The following TMEM132B variants were observed in gnomAD, a reference collection of about 807,000 sequenced individuals.
The protein encoded by TMEM132B is transmembrane protein 132B.
A neutral mutation model predicts 90.8 loss-of-function variants in TMEM132B; 18 were observed. The ratio of observed to expected loss-of-function variants is 0.20; its 90% CI spans 0.14 to 0.29. The LOEUF is 0.29. Among genes scored for constraint, TMEM132B ranks in the 10% least tolerant of loss-of-function variants. The pLI is 1.00. For missense variants in TMEM132B, 1,096 were observed against 1,326.8 expected (o/e 0.83, Z 2.70); for synonymous variants, 504 against 523.3 (o/e 0.96, Z 0.50).
At chr12:125,486,284 T>G (rs1593169880) in intron 3 of TMEM132B, among the ~76,000 whole-genome samples, 1 of 152,194 alleles carries the variant, frequency 6.6e-6, no homozygotes, top group African/African-American at 2.4e-5. Flanking sequence ...ATCATATTAT[T>G]AGTGTGTTAT....
chr12:125,215,572 CG>C (rs1382070701), intron 1 of TMEM132B, among the ~76,000 whole-genome samples: 2 of 152,080 alleles, frequency 1.3e-5, no homozygotes, highest in Admixed American at 6.5e-5. Context: ...GATGGAGTCT[CG>C]CTCTGTTGCC....
In TMEM132B at chr12:125,644,103, G is replaced by A. The variant is rs754898198; in HGVS notation, c.1465G>A (p.Val489Met). Residue 489 changes from valine to methionine, a missense_variant, in exon 6 of 9, where the codon GTG (valine) becomes ATG (methionine). Coordinates refer to ENST00000682704, the MANE Select transcript of TMEM132B (RefSeq NM_001366854.1). ...TTCCAACAACTGTGATTCCATTTTT[G>A]TGAATGGGAAGGAAATGAAGAGCAA... ...KVSNNCDSIF[V>M]NGKEMKSKVD... 3.1e-6 allele frequency: 5 copies of A among 1,613,902 alleles called. No homozygotes were observed. In the East Asian group the frequency reaches 8.9e-5, roughly 29 times the overall value.
At chr12:125,401,350 A>C (rs897862268) in intron 2 of TMEM132B, among the ~76,000 whole-genome samples, 1 of 152,196 alleles carries the variant, frequency 6.6e-6, no homozygotes, top group Non-Finnish European at 1.5e-5. Context: ...CAGATAATAA[A>C]CAAGGGAAGC....
chr12:125,454,625 C>G (rs1009138935), intron 3 of TMEM132B, among the ~76,000 whole-genome samples: 1 of 152,212 alleles, frequency 6.6e-6, no homozygotes, highest in Admixed American at 6.5e-5. Context: ...ATCCAGAAAT[C>G]TGCTTATTTA....
intron 2 of TMEM132B, among the ~76,000 whole-genome samples, chr12:125,361,395 C>T (rs939970308): frequency 1.3e-5 from 2 of 152,110 alleles, no homozygotes; most frequent in African/African-American, 2.4e-5. Context: ...TCTCATGATC[C>T]CCCATTTCAA....
chr12:125,206,972 G>A (rs771174568), intron 1 of TMEM132B, among the ~76,000 whole-genome samples: 1 of 152,200 alleles, frequency 6.6e-6, no homozygotes, highest in African/African-American at 2.4e-5. Flanking sequence ...TTTGGAGTAA[G>A]AGCCCCGCCT....
chr12:125,382,076 C>G (rs1473389755), intron 2 of TMEM132B, among the ~76,000 whole-genome samples: 1 of 152,162 alleles, frequency 6.6e-6, no homozygotes, highest in African/African-American at 2.4e-5. Flanking sequence ...TAGAAATCTT[C>G]TCATAAGCTG....
intron 4 of TMEM132B, among the ~76,000 whole-genome samples, chr12:125,544,661 T>A (rs1884044499): frequency 6.6e-6 from 1 of 152,216 alleles, no homozygotes; most frequent in Non-Finnish European, 1.5e-5. Context: ...CACTCATCTC[T>A]ATGCCATTTT....
At chr12:125,334,039 A>G (rs571099499) in intron 1 of TMEM132B, among the ~76,000 whole-genome samples, 43 of 152,330 alleles carry the variant, frequency 2.8e-4, no homozygotes, top group Non-Finnish European at 4.8e-4. Context: ...GTATGAAAAT[A>G]TAAAGCCCTT....
chr12:125,273,309 G>A (rs773899625), intron 1 of TMEM132B, among the ~76,000 whole-genome samples: 22 of 152,108 alleles, frequency 1.4e-4, no homozygotes, highest in Non-Finnish European at 2.6e-4. Flanking sequence ...AAAACAGGCC[G>A]GGTGTGGTGG....
At chr12:125,335,597 A>G (rs1876931309) in intron 1 of TMEM132B, among the ~76,000 whole-genome samples, 1 of 152,268 alleles carries the variant, frequency 6.6e-6, no homozygotes, top group South Asian at 2.1e-4. Context: ...GTGAAACTTG[A>G]AAATGCTGAT....
At chr12:125,200,776 T>C (rs1448721888) in intron 1 of TMEM132B, among the ~76,000 whole-genome samples, 1 of 152,202 alleles carries the variant, frequency 6.6e-6, no homozygotes, top group African/African-American at 2.4e-5. Flanking sequence ...AAGGGGGACT[T>C]GTTCTTAGAA....
At chr12:125,368,955 T>C (rs1878213830) in intron 2 of TMEM132B, among the ~76,000 whole-genome samples, 1 of 152,190 alleles carries the variant, frequency 6.6e-6, no homozygotes, top group Non-Finnish European at 1.5e-5. Context: ...ATGTGCCATG[T>C]TGGTGTGCTG....
rs1231127973 is a variant in TMEM132B at position 125,655,226 on chromosome 12, A to G, written c.*516A>G. The G allele has an allele frequency of 6.6e-6, 1 of 152,420 alleles. No individual in the cohort carries two copies. The highest frequency in any genetic ancestry group is 1.5e-5 in the Non-Finnish European group (1 of 68,246). 9.4% of individuals were successfully genotyped at this position (152,420 alleles called of 1,614,324 possible). A position where few individuals can be genotyped will look rare whatever the true frequency, so the allele number is the denominator to read the frequency against. On this transcript the variant is annotated 3_prime_UTR_variant, in exon 9 of 9. Coordinates refer to ENST00000682704, the MANE Select transcript of TMEM132B (RefSeq NM_001366854.1). Reference sequence around the variant, plus strand: ...CTGCACCTGTTCCTTTGACCTCTGGAATTCTTTTTGAAACATGAAGAGAAG... The same window carrying G: ...CTGCACCTGTTCCTTTGACCTCTGGGATTCTTTTTGAAACATGAAGAGAAG...
At chr12:125,337,522 A>G (rs1345564712) in intron 1 of TMEM132B, among the ~76,000 whole-genome samples, 1 of 152,078 alleles carries the variant, frequency 6.6e-6, no homozygotes, top group Non-Finnish European at 1.5e-5. Flanking sequence ...TTCTCTTTCA[A>G]GAAGAAGTCT....
At chr12:125,236,148 G>GT (rs1438670712) in intron 1 of TMEM132B, among the ~76,000 whole-genome samples, 1 of 89,252 alleles carries the variant, frequency 1.1e-5, no homozygotes, top group Non-Finnish European at 2.2e-5. Flanking sequence ...TTGTTTGTTT[G>GT]TTTTTTTGTT....
At chr12:125,334,219 CAT>C in intron 1 of TMEM132B, among the ~76,000 whole-genome samples, 1 of 152,312 alleles carries the variant, frequency 6.6e-6, no homozygotes, top group Non-Finnish European at 1.5e-5. Flanking sequence ...GCAATTAACA[CAT>C]ATGCAGAATC....
intron 1 of TMEM132B, among the ~76,000 whole-genome samples, chr12:125,294,843 A>G (rs1440984440): frequency 6.6e-6 from 1 of 152,180 alleles, no homozygotes; most frequent in Non-Finnish European, 1.5e-5. Context: ...AAATAATTGT[A>G]TAAAGAATTT....
At chr12:125,202,195 C>T (rs777320010) in intron 1 of TMEM132B, among the ~76,000 whole-genome samples, 10 of 152,198 alleles carry the variant, frequency 6.6e-5, no homozygotes, top group East Asian at 1.9e-4. Flanking sequence ...TTGTTGAAAG[C>T]GCTGGGGAAG....
Sources: gnomAD v4.1 joint callset for allele counts (sites outside exome capture counted in the v4.1 genomes callset) on GRCh38, gnomAD v4.1.1 for gene constraint, MANE v1.5 for transcripts, NCBI Gene and HGNC (gene_info 2026-07-23, HGNC 2026-07-21) for gene names.